Variants in MTMR8 observed in about 807,000 individuals in gnomAD.
MTMR8 encodes the protein phosphatidylinositol-3,5-bisphosphate 3-phosphatase MTMR8.
Under a neutral mutation model 39.3 loss-of-function variants are expected in MTMR8, and 65 were observed. That is an observed-to-expected ratio of 1.65 (90% CI 1.35 to 2.03). The LOEUF is 2.03. Ranked by LOEUF, MTMR8 falls within the 30% of genes most tolerant of loss-of-function variation. The pLI is 0.00. For synonymous variants in MTMR8, 245 were observed against 185.2 expected, an observed-to-expected ratio of 1.32 and a Z score of -2.62; for missense variants, 777 against 538.9, an observed-to-expected ratio of 1.44 and a Z score of -4.37.
intron 12 of MTMR8, among the ~76,000 whole-genome samples, chrX:64,273,440 A>C (rs189155527): frequency 9.0e-4 from 99 of 110,460 alleles, no homozygotes; most frequent in Middle Eastern, 4.7e-3. Flanking sequence ...AAAAAAAAGA[A>C]AGAAGTGAAA....
At position 64,356,167 on chromosome X, in the gene MTMR8, C is replaced by A. The variant is rs775483373; in HGVS notation, c.310+9G>T. On this transcript the variant is annotated intron_variant, in intron 3 of 13. Coordinates refer to ENST00000374852, the MANE Select transcript of MTMR8 (RefSeq NM_017677.4). The stretch of plus-strand genomic sequence containing the variant: ...AAATGGTTTTAGATAAAAATACTAT[C>A]ATAACTACCTGGCTGAGAAAGCTTG... The A allele has an allele frequency of 2.3e-5, 28 of 1,197,092 alleles. No individual in the cohort carries two copies. The highest frequency in any genetic ancestry group is 3.2e-5 in the Non-Finnish European group (28 of 887,601).
intron 12 of MTMR8, among the ~76,000 whole-genome samples, chrX:64,311,033 G>T (rs1250284677): frequency 9.0e-6 from 1 of 111,708 alleles, no homozygotes; most frequent in Non-Finnish European, 1.9e-5. Flanking sequence ...GGATTGCTGG[G>T]TCAAATGGTA....
chrX:64,323,919 C>A (rs1024733739), intron 12 of MTMR8, among the ~76,000 whole-genome samples: 1 of 112,195 alleles, frequency 8.9e-6, no homozygotes, highest in Non-Finnish European at 1.9e-5. Context: ...TAATGCAGTT[C>A]TAAAAGGAAA....
intron 12 of MTMR8, among the ~76,000 whole-genome samples, chrX:64,275,531 T>TA (rs773068483): frequency 6.6e-5 from 7 of 106,088 alleles, no homozygotes; most frequent in Middle Eastern, 4.8e-3. Flanking sequence ...CCCCCATCGC[T>TA]AAAAAAACAT....
chrX:64,318,338 G>T (rs1465653303), intron 12 of MTMR8, among the ~76,000 whole-genome samples: 1 of 112,112 alleles, frequency 8.9e-6, no homozygotes, highest in African/African-American at 3.2e-5. Flanking sequence ...TGTAGTATTT[G>T]ACATAGAGCA....
Position 64,331,776 on chromosome X carries a change from G to A in MTMR8, c.1152-19C>T, listed in dbSNP as rs763694599. ...GCCACACCTGAGAGATGAAAATAAAGGTAAAGAAAGACACTAGTTAGCATT... is the reference window on the plus strand; with the variant it reads ...GCCACACCTGAGAGATGAAAATAAAAGTAAAGAAAGACACTAGTTAGCATT... On this transcript the variant is annotated intron_variant, in intron 10 of 13. Coordinates refer to ENST00000374852, the MANE Select transcript of MTMR8 (RefSeq NM_017677.4). 3.5e-6 allele frequency: 4 copies of A among 1,150,326 alleles called. No individual in the cohort carries two copies. The highest frequency in any genetic ancestry group is 1.8e-5 in the African/African-American group (1 of 56,126). The allele number at this position is 1,150,326 out of a possible 1,213,427, so 94.8% of individuals were successfully genotyped here. A position where few individuals can be genotyped will look rare whatever the true frequency, so the allele number is the denominator to read the frequency against.
Position 64,271,068 on chromosome X carries a change from C to T in MTMR8, c.1487G>A (p.Trp496Ter). 1 of 1,193,384 alleles carries T rather than the reference C, an allele frequency of 8.4e-7. No homozygotes were observed. Among genetic ancestry groups the T allele is most frequent in the African/African-American group, 1.8e-5 (1 of 57,063 alleles). ...PSTVPYNIQF[W>*]CGMYNRFDKG... ...GTCAAAGCGGTTATACATCCCACAC[C>T]AGAACCTCAAATAGACAAAAATGGG... Residue 496 changes from tryptophan (W) to a stop codon, truncating the protein, a stop_gained, in exon 13 of 14, where the codon TGG becomes TAG. Transcript: ENST00000374852. LOFTEE classifies it high-confidence loss of function.
chrX:64,385,650 G>A (rs533837506), intron 1 of MTMR8, among the ~76,000 whole-genome samples: 1 of 111,347 alleles, frequency 9.0e-6, no homozygotes, highest in African/African-American at 3.3e-5. Flanking sequence ...GGGAGAGCAG[G>A]CATCTCACAT....
intron 12 of MTMR8, among the ~76,000 whole-genome samples, chrX:64,274,856 C>G (rs1267633555): frequency 2.7e-5 from 3 of 111,668 alleles, no homozygotes; most frequent in Non-Finnish European, 5.7e-5. Context: ...CTAAAACAAT[C>G]AAACTCATGG....
intron 12 of MTMR8, among the ~76,000 whole-genome samples, chrX:64,276,282 C>G (rs1041632979): frequency 9.1e-6 from 1 of 110,249 alleles, no homozygotes; most frequent in Non-Finnish European, 1.9e-5. Flanking sequence ...GATCTAGTTC[C>G]AGATCTAGAT....
intron 12 of MTMR8, among the ~76,000 whole-genome samples, chrX:64,281,575 C>T (rs962135562): frequency 1.8e-5 from 2 of 111,640 alleles, no homozygotes; most frequent in South Asian, 7.4e-4. Flanking sequence ...TACTTAAATA[C>T]AAAACCCAAA....
chrX:64,380,072 C>A (rs1256010135), intron 1 of MTMR8, among the ~76,000 whole-genome samples: 1 of 112,184 alleles, frequency 8.9e-6, no homozygotes, highest in African/African-American at 3.2e-5. Context: ...CTACAGATAA[C>A]ATCAGTGGCT....
intron 10 of MTMR8, among the ~76,000 whole-genome samples, chrX:64,334,887 A>C (rs1336000799): frequency 1.8e-5 from 2 of 111,866 alleles, no homozygotes; most frequent in African/African-American, 6.5e-5. Context: ...CTCTGTCTTA[A>C]GCACTTATCA....
intron 1 of MTMR8, among the ~76,000 whole-genome samples, chrX:64,367,647 A>T (rs1449303687): frequency 8.9e-6 from 1 of 112,066 alleles, no homozygotes; most frequent in African/African-American, 3.2e-5. Flanking sequence ...ACCCACAGCC[A>T]ATATCATACT....
chrX:64,314,999 G>A (rs977595465), intron 12 of MTMR8, among the ~76,000 whole-genome samples: 1 of 111,697 alleles, frequency 9.0e-6, no homozygotes, highest in African/African-American at 3.3e-5. Flanking sequence ...CCACCCTGCA[G>A]AGTTCAGGCC....
At chrX:64,317,385 T>G (rs1922498482) in intron 12 of MTMR8, among the ~76,000 whole-genome samples, 1 of 111,652 alleles carries the variant, frequency 9.0e-6, no homozygotes, top group Admixed American at 9.5e-5. Flanking sequence ...TCTGTTTATT[T>G]ATTTTTTTCG....
chrX:64,360,637 A>T (rs1340791625), intron 1 of MTMR8, among the ~76,000 whole-genome samples: 3 of 111,710 alleles, frequency 2.7e-5, no homozygotes, highest in Admixed American at 9.5e-5. Context: ...ATTAATAACA[A>T]AATAATAGCC....
intron 12 of MTMR8, among the ~76,000 whole-genome samples, chrX:64,308,320 A>ATATTTTTTTTTT (rs1922188023): frequency 1.4e-5 from 1 of 69,608 alleles, no homozygotes; most frequent in Non-Finnish European, 2.6e-5. Context: ...ACGGCTGGCT[A>ATATTTTTTTTTT]TTTTTTTTTT....
intron 12 of MTMR8, among the ~76,000 whole-genome samples, chrX:64,275,537 A>T (rs1010473298): frequency 9.2e-6 from 1 of 108,382 alleles, no homozygotes; most frequent in Non-Finnish European, 1.9e-5. Flanking sequence ...TCGCTAAAAA[A>T]ACATTTAGAA....
Sources: allele counts gnomAD v4.1 joint callset (sites outside exome capture counted in the v4.1 genomes callset), GRCh38; gene constraint gnomAD v4.1.1; transcripts MANE v1.5; gene names NCBI Gene and HGNC (gene_info 2026-07-23, HGNC 2026-07-21).